RPTOR: variants seen among roughly 807,000 people sequenced by gnomAD.
RPTOR encodes the protein regulatory-associated protein of mTOR.
RPTOR carries 21 observed loss-of-function variants against 169.9 expected under a neutral mutation model. The observed-to-expected ratio is 0.12, with a 90% CI of 0.09 to 0.18. The LOEUF is 0.18. RPTOR is among the 10% of genes least tolerant of loss of function. The pLI is 1.00. For missense variants in RPTOR, 1,133 were observed against 1,855.9 expected, an observed-to-expected ratio of 0.61 and a Z score of 7.16; for synonymous variants, 732 against 753.2, an observed-to-expected ratio of 0.97 and a Z score of 0.46.
At chr17:80,558,236 G>A (rs1403159105) in intron 1 of RPTOR, among the ~76,000 whole-genome samples, 1 of 152,220 alleles carries the variant, frequency 6.6e-6, no homozygotes, top group African/African-American at 2.4e-5. Context: ...GGGAGGTCAA[G>A]GCTGCAGTGA....
At chr17:80,780,553 T>G (rs1359643597) in intron 6 of RPTOR, among the ~76,000 whole-genome samples, 1 of 152,186 alleles carries the variant, frequency 6.6e-6, no homozygotes, top group Non-Finnish European at 1.5e-5. Context: ...GGAGGACATC[T>G]CGGCAGGGCT....
At chr17:80,794,639 C>G (rs188479802) in intron 7 of RPTOR, among the ~76,000 whole-genome samples, 21 of 152,324 alleles carry the variant, frequency 1.4e-4, no homozygotes, top group Non-Finnish European at 2.4e-4. Flanking sequence ...TGTTCATTAC[C>G]CCAAGCCGGA....
At chr17:80,895,205 C>T (rs1241765973) in intron 20 of RPTOR, among the ~76,000 whole-genome samples, 1 of 152,326 alleles carries the variant, frequency 6.6e-6, no homozygotes, top group South Asian at 2.1e-4. Flanking sequence ...TGGGCCCCAG[C>T]CTACCCGGCC....
At chr17:80,799,620 A>C (rs1022934745) in intron 7 of RPTOR, among the ~76,000 whole-genome samples, 2 of 152,216 alleles carry the variant, frequency 1.3e-5, no homozygotes, top group African/African-American at 2.4e-5. Flanking sequence ...CGCAAGGAGA[A>C]TAACGGGCCT....
rs2067190368 is a variant in RPTOR at position 80,803,955 on chromosome 17, A to C, written c.890+12446A>C. ...CGGGGAGCCCCACAGCCTCTGAGCC[A>C]GGCACGAGCTTGGGCTGTGTGGCAA... On this transcript the variant is annotated intron_variant, in intron 7 of 33. Coordinates refer to ENST00000306801, the MANE Select transcript of RPTOR (RefSeq NM_020761.3). This position sits in a 1 kb window ranked among gnomAD's most constrained non-coding sequence, Gnocchi z 6.2. 6.6e-6 allele frequency among the ~76,000 whole-genome samples: 1 copy of C among 152,226 alleles called. No homozygotes were observed. The highest frequency in any genetic ancestry group is 1.5e-5 in the Non-Finnish European group (1 of 68,034).
intron 2 of RPTOR, among the ~76,000 whole-genome samples, chr17:80,629,915 T>C (rs1320514421): frequency 2.0e-5 from 3 of 152,270 alleles, no homozygotes; most frequent in Non-Finnish European, 4.4e-5. Context: ...TTGGACATTG[T>C]ACTGCAGCTC....
At chr17:80,961,232 G>A (rs998421545) in intron 30 of RPTOR, among the ~76,000 whole-genome samples, 162 bp from the exon 31 acceptor site, 1 of 152,218 alleles carries the variant, frequency 6.6e-6, no homozygotes, top group Non-Finnish European at 1.5e-5. Flanking sequence ...CCTGGAGGGG[G>A]CTCTGACCCT....
intron 6 of RPTOR, among the ~76,000 whole-genome samples, chr17:80,762,940 C>G (rs2066749904): frequency 6.6e-6 from 1 of 152,178 alleles, no homozygotes; most frequent in Admixed American, 6.5e-5. Context: ...AAAGTTGTAA[C>G]TGTAAACGAA....
In RPTOR at chr17:80,710,571, A is replaced by ATGTGTGTG. The variant is rs59732457; in HGVS notation, c.507+2606_507+2613dup. Among the ~76,000 whole-genome samples, 799 of 145,100 alleles carry ATGTGTGTG rather than the reference A, an allele frequency of 5.5e-3. 3 individuals carry two copies. Among genetic ancestry groups the ATGTGTGTG allele is most frequent in the East Asian group, 0.031 (155 of 4,928 alleles). ...TGATTTGCCTCCCTTGGTTATTTGT[A>ATGTGTGTG]TGTGTGTGTGTGTGTGTGTGTGTGT... On this transcript the variant is annotated intron_variant, in intron 4 of 33. Coordinates refer to ENST00000306801, the MANE Select transcript of RPTOR (RefSeq NM_020761.3).
chr17:80,952,499 C>A (rs2069191995), intron 28 of RPTOR, among the ~76,000 whole-genome samples: 1 of 152,212 alleles, frequency 6.6e-6, no homozygotes, highest in Non-Finnish European at 1.5e-5. Context: ...CTTGCCCCAG[C>A]CCCCACTCGC....
chr17:80,669,471 G>A (rs1212928536), intron 3 of RPTOR, among the ~76,000 whole-genome samples: 3 of 152,146 alleles, frequency 2.0e-5, no homozygotes, highest in African/African-American at 4.8e-5. Flanking sequence ...CGCAACCTCC[G>A]CCTCCCAGGT....
At chr17:80,550,042 A>G (rs551392534) in intron 1 of RPTOR, among the ~76,000 whole-genome samples, 1 of 152,234 alleles carries the variant, frequency 6.6e-6, no homozygotes, top group South Asian at 2.1e-4. Context: ...GATCTGTTCA[A>G]CTAATACATG....
Position 80,823,245 on chromosome 17 carries a change from A to C in RPTOR, c.1136+22A>C, listed in dbSNP as rs1207373293. ...TGTGGTGAGTGTTTCAGGATCCTCC[A>C]GGTGCCGTGCTCCCCCGCCCTCCGT... On this transcript the variant is annotated intron_variant, in intron 9 of 33. Transcript: ENST00000306801. The surrounding 1 kb of genome is among the most constrained non-coding windows in gnomAD (Gnocchi z 4.5). The C allele has an allele frequency of 6.2e-7, 1 of 1,610,354 alleles. No homozygotes were observed. Among genetic ancestry groups the C allele is most frequent in the Admixed American group, 1.7e-5 (1 of 59,964 alleles).
intron 2 of RPTOR, among the ~76,000 whole-genome samples, chr17:80,637,549 AC>A (rs1198103395): frequency 6.6e-6 from 1 of 152,188 alleles, no homozygotes; most frequent in Non-Finnish European, 1.5e-5. Flanking sequence ...TTATGGCCCG[AC>A]ATTAAATACT....
intron 1 of RPTOR, among the ~76,000 whole-genome samples, chr17:80,612,960 A>G (rs926709548): frequency 3.9e-5 from 6 of 152,238 alleles, no homozygotes; most frequent in Admixed American, 2.6e-4. Flanking sequence ...GCGTGTATGT[A>G]TAGTTATAAA....
At chr17:80,598,753 A>G (rs2065162556) in intron 1 of RPTOR, among the ~76,000 whole-genome samples, 1 of 152,214 alleles carries the variant, frequency 6.6e-6, no homozygotes, top group Non-Finnish European at 1.5e-5. Flanking sequence ...TGTGAAAGGC[A>G]CCGGACATGA....
At chr17:80,918,445 A>AGTCATAGCCACGAGAACCCTCGCGGGG in intron 21 of RPTOR, among the ~76,000 whole-genome samples, 2 of 84,424 alleles carry the variant, frequency 2.4e-5, no homozygotes, top group Admixed American at 2.2e-4. Context: ...CCCTCGCCGG[A>AGTCATAGCCACGAGAACCCTCGCGGGG]GTCATAGCCA....
At chr17:80,923,896 T>G (rs2068779530) in intron 23 of RPTOR, 1 of 552,186 alleles carries the variant, frequency 1.8e-6, no homozygotes, top group South Asian at 2.4e-5. Context: ...GCTGGGTGTG[T>G]CCCGGTCCCT....
intron 7 of RPTOR, among the ~76,000 whole-genome samples, chr17:80,794,751 C>T (rs553099088): frequency 6.6e-6 from 1 of 152,374 alleles, no homozygotes; most frequent in Admixed American, 6.5e-5. Context: ...TTTCTATATA[C>T]ACCGCCATTT....
Sources: allele counts gnomAD v4.1 joint callset (sites outside exome capture counted in the v4.1 genomes callset), GRCh38; gene constraint gnomAD v4.1.1; non-coding constraint Gnocchi (gnomAD v3.1); transcripts MANE v1.5; gene names NCBI Gene and HGNC (gene_info 2026-07-23, HGNC 2026-07-21).